Variants in TNK1 observed in about 807,000 individuals in gnomAD.
TNK1 encodes tyrosine kinase non receptor 1.
TNK1 carries 53 observed loss-of-function variants against 65.2 expected under a neutral mutation model. That is an observed-to-expected ratio of 0.81 (90% CI 0.65 to 1.02). The LOEUF is 1.02. Ranked by LOEUF, TNK1 falls within the 50% of genes least tolerant of loss-of-function variation. TNK1 has a pLI of 0.00. For synonymous variants in TNK1, 353 were observed against 364.6 expected (o/e 0.97, Z 0.36); for missense variants, 837 against 878.4 (o/e 0.95, Z 0.60).
At chr17:7,385,771 G>GCCAGGCTGGTTTCGAACT (rs1387964376) in intron 7 of TNK1, among the ~76,000 whole-genome samples, 3 of 152,144 alleles carry the variant, frequency 2.0e-5, no homozygotes, top group African/African-American at 7.2e-5. Context: ...CACCATGTTG[G>GCCAGGCTGGTTTCGAACT]CCAGGCTGGT....
chr17:7,387,394 A>C lies in TNK1; in HGVS notation c.1414A>C (p.Asn472His). ...GSIDGDRKKA[N>H]LWDAPPARGQ... ...CTCCGACAGAGACAGAAAGAAGGCA[A>C]ATCTTTGGGATGCGCCCCCAGCACG... Residue 472 changes from asparagine (N) to histidine (H), a missense_variant, in exon 10 of 13, where the codon AAT (asparagine) becomes CAT (histidine). By Grantham distance (68) the Asn-to-His change is moderately conservative. Transcript: ENST00000688331. 6.2e-7 allele frequency: 1 copy of C among 1,605,962 alleles called. No homozygotes were observed.
chr17:7,383,319 A>C lies in TNK1; in HGVS notation c.233A>C (p.Lys78Thr), dbSNP rs769869038. 1.2e-6 allele frequency: 2 copies of C among 1,613,934 alleles called. No individual in the cohort carries two copies. The highest frequency in any genetic ancestry group is 3.3e-5 in the Admixed American group (2 of 60,010). The stretch of plus-strand genomic sequence containing the variant: ...CCTAAGTCTAAGAACTGGGTCTACA[A>C]GGTGTGTGTTGTAGGTGGGCAGCTT... ...SGPKSKNWVY[K>T]ILGGFAPEHK... Residue 78 changes from lysine (K) to threonine (T), a missense_variant and splice_region_variant, in exon 3 of 13, where the codon AAG (lysine) becomes ACG (threonine). Transcript: ENST00000688331.
rs1483560162 is a variant in TNK1, at chr17:7,386,854, A to G, written c.1233-136A>G. 3 of 1,280,782 alleles carry G rather than the reference A, an allele frequency of 2.3e-6. No individual in the cohort carries two copies. In the South Asian group the frequency reaches 4.6e-5, roughly 20 times the overall value. The allele number at this position is 1,280,782 out of a possible 1,614,324, so 79.3% of individuals were successfully genotyped here. On this transcript the variant is annotated intron_variant, in intron 8 of 12. Coordinates refer to ENST00000688331, the MANE Select transcript of TNK1 (RefSeq NM_003985.6). ...CTGCTGGCCCATAGAGCCTTATTGC[A>G]TTAGGGAAAAGGCTTCCCTTCCTCC...
chr17:7,384,391 T>C, intron 6 of TNK1, 93 bp from the exon 7 acceptor site: 1 of 1,443,848 alleles, frequency 6.9e-7, no homozygotes, highest in Non-Finnish European at 9.1e-7. Flanking sequence ...AGAGGACTTT[T>C]GTGAAAGATG....
Position 7,382,555 on chromosome 17 carries a change from A to G in TNK1, c.-91-281A>G, listed in dbSNP as rs1354294371. On this transcript the variant is annotated intron_variant, in intron 1 of 12. Coordinates refer to ENST00000688331, the MANE Select transcript of TNK1 (RefSeq NM_003985.6). This position sits in a 1 kb window ranked among gnomAD's most constrained non-coding sequence, Gnocchi z 4.1. ...GTGAGTTTGTGCCACTGCGTAGCTCAGGTCTAAAAGGGCAGTGTTTCTGGG... is the reference window on the plus strand; with the variant it reads ...GTGAGTTTGTGCCACTGCGTAGCTCGGGTCTAAAAGGGCAGTGTTTCTGGG... Among the ~76,000 whole-genome samples, 1 of 152,032 alleles carries G rather than the reference A, an allele frequency of 6.6e-6. No homozygotes were observed. Among genetic ancestry groups the G allele is most frequent in the African/African-American group, 2.4e-5 (1 of 41,412 alleles).
At chr17:7,387,314 G>A in intron 9 of TNK1, 64 bp from the exon 10 acceptor site, 3 of 1,545,868 alleles carry the variant, frequency 1.9e-6, no homozygotes, top group South Asian at 1.2e-5. Context: ...TTTTTGGGAG[G>A]GTATATTGAT....
At chr17:7,384,436 T>C in intron 6 of TNK1, 48 bp from the exon 7 acceptor site, 1 of 1,472,344 alleles carries the variant, frequency 6.8e-7, no homozygotes, top group South Asian at 1.4e-5. Context: ...AGGGTGGGCC[T>C]CCAAGGAGCA....
chr17:7,386,653 C>T lies in TNK1; in HGVS notation c.1230C>T (p.Gly410=), dbSNP rs1271060130. Residue 410 remains glycine, a splice_region_variant and synonymous_variant, in exon 8 of 13, where the codon GGC becomes GGT. Transcript: ENST00000688331. ...GTGACCCCATCACAGTCATCGAGGG[C>T]AGGTGACAGTCCCATACCTCCCAAG... ...ETGDPITVIE[G]SPDSTIWKGQ... 5 of 1,583,322 alleles carry T rather than the reference C, an allele frequency of 3.2e-6. No homozygotes were observed. Among genetic ancestry groups the T allele is most frequent in the Non-Finnish European group, 4.3e-6 (5 of 1,164,490 alleles).
chr17:7,383,954 G>T lies in TNK1; in HGVS notation c.583-16G>T. 1 of 1,516,662 alleles carries T rather than the reference G, an allele frequency of 6.6e-7. No homozygotes were observed. The highest frequency in any genetic ancestry group is 1.3e-5 in the South Asian group (1 of 79,100). 94.0% of individuals were successfully genotyped at this position (1,516,662 alleles called of 1,614,324 possible). A position where few individuals can be genotyped will look rare whatever the true frequency, so the allele number is the denominator to read the frequency against. ...CAATGGGTCCGGCTCACGCGGCGCGGTGTTCCCTCCTGCAGGTGATGGAGC... is the reference window on the plus strand; with the variant it reads ...CAATGGGTCCGGCTCACGCGGCGCGTTGTTCCCTCCTGCAGGTGATGGAGC... On this transcript the variant is annotated splice_polypyrimidine_tract_variant and intron_variant, in intron 5 of 12. Transcript: ENST00000688331.
At chr17:7,384,392 G>A (rs1905051954) in intron 6 of TNK1, 92 bp from the exon 7 acceptor site, 1 of 1,444,114 alleles carries the variant, frequency 6.9e-7, no homozygotes, top group Non-Finnish European at 9.1e-7. Context: ...GAGGACTTTT[G>A]TGAAAGATGG....
In TNK1 at chr17:7,387,162, C is replaced by A; in HGVS notation, c.1397+8C>A. On this transcript the variant is annotated splice_region_variant and intron_variant, in intron 9 of 12. Transcript: ENST00000688331. ...CCCAGGAAGCATAGATGGGTGAGGA[C>A]CTGAAAGGGTGAGGGCAGGGGTTGG... 2 of 1,570,566 alleles carry A rather than the reference C, an allele frequency of 1.3e-6. No individual in the cohort carries two copies. Among genetic ancestry groups the A allele is most frequent in the Non-Finnish European group, 1.7e-6 (2 of 1,156,106 alleles).
In TNK1 at chr17:7,388,953, A is replaced by C; in HGVS notation, c.1873-18A>C. On this transcript the variant is annotated intron_variant, in intron 12 of 12. Transcript: ENST00000688331. This position sits in a 1 kb window ranked among gnomAD's most constrained non-coding sequence, Gnocchi z 4.5. ...GCCGCCTGGCAGTCAGCTGCAACCC[A>C]CCCTCCTGCTTCCACAGGTAGATCA... 1 of 1,553,514 alleles carries C rather than the reference A, an allele frequency of 6.4e-7. No homozygotes were observed. The highest frequency in any genetic ancestry group is 8.7e-7 in the Non-Finnish European group (1 of 1,147,964).
At chr17:7,385,696 C>CT (rs1905144929) in intron 7 of TNK1, among the ~76,000 whole-genome samples, 1 of 152,116 alleles carries the variant, frequency 6.6e-6, no homozygotes, top group Non-Finnish European at 1.5e-5. Context: ...TCCCGAGTAG[C>CT]TGGGATTACA....
Position 7,389,421 on chromosome 17 carries a change from T to A in TNK1, c.*337T>A. 1 of 462,146 alleles carries A rather than the reference T, an allele frequency of 2.2e-6. No individual in the cohort carries two copies. The highest frequency in any genetic ancestry group is 3.8e-6 in the Non-Finnish European group (1 of 262,954). The allele number at this position is 462,146 out of a possible 1,614,324, so 28.6% of individuals were successfully genotyped here. A position where few individuals can be genotyped will look rare whatever the true frequency, so the allele number is the denominator to read the frequency against. On this transcript the variant is annotated 3_prime_UTR_variant, in exon 13 of 13. Coordinates refer to ENST00000688331, the MANE Select transcript of TNK1 (RefSeq NM_003985.6). The stretch of plus-strand genomic sequence containing the variant: ...GGAAGCTTCTACGCGCTAGAGAGGA[T>A]CAAGGGGCCACACTGGACCATGTGA...
rs1251596667 is a variant in TNK1, at chr17:7,388,204, T to A, written c.1478-202T>A. On this transcript the variant is annotated intron_variant, in intron 10 of 12. Transcript: ENST00000688331. The surrounding 1 kb of genome is among the most constrained non-coding windows in gnomAD (Gnocchi z 4.5). The stretch of plus-strand genomic sequence containing the variant: ...ACTTTGGGAGCCCAGCGTGGGTGGA[T>A]GGCTTGAGTCCAGGAGTTTGAGACC... Among the ~76,000 whole-genome samples the A allele has an allele frequency of 6.6e-6, 1 of 152,202 alleles. No individual in the cohort carries two copies. Among genetic ancestry groups the A allele is most frequent in the African/African-American group, 2.4e-5 (1 of 41,442 alleles).
rs377094233 is a variant in TNK1 at position 7,383,700 on chromosome 17, C to G, written c.427-9C>G. On this transcript the variant is annotated splice_polypyrimidine_tract_variant and intron_variant, in intron 4 of 12. Coordinates refer to ENST00000688331, the MANE Select transcript of TNK1 (RefSeq NM_003985.6). ...CGCAATGCCTAAAGGCGCTTCCCCC[C>G]ACCTCCAGGTCCCAGTGGCTGTCAA... 2 of 1,611,010 alleles carry G rather than the reference C, an allele frequency of 1.2e-6. No individual in the cohort carries two copies. Among genetic ancestry groups the G allele is most frequent in the African/African-American group, 1.3e-5 (1 of 75,004 alleles).
intron 1 of TNK1, among the ~76,000 whole-genome samples, chr17:7,381,463 C>T (rs1904808655): frequency 6.6e-6 from 1 of 152,156 alleles, no homozygotes; most frequent in African/African-American, 2.4e-5. Flanking sequence ...AAAGTGTGAG[C>T]AGGCTGCCAG....
chr17:7,385,715 C>T (rs1197496395), intron 7 of TNK1, among the ~76,000 whole-genome samples: 1 of 152,222 alleles, frequency 6.6e-6, no homozygotes, highest in South Asian at 2.1e-4. Flanking sequence ...CAGGCGCCTG[C>T]CACCACGCCT....
intron 5 of TNK1, 29 bp downstream of exon 5, chr17:7,383,893 G>T: frequency 6.3e-7 from 1 of 1,593,596 alleles, no homozygotes; most frequent in Non-Finnish European, 8.6e-7. Flanking sequence ...TGGTTCCCGG[G>T]ACAGCCGTGC....
Sources: allele counts gnomAD v4.1 joint callset (sites outside exome capture counted in the v4.1 genomes callset), GRCh38; gene constraint gnomAD v4.1.1; non-coding constraint Gnocchi (gnomAD v3.1); transcripts MANE v1.5; gene names NCBI Gene and HGNC (gene_info 2026-07-23, HGNC 2026-07-21).